PTK2B: variants seen among roughly 807,000 people sequenced by gnomAD.
The protein encoded by PTK2B is protein tyrosine kinase 2 beta, also known as protein-tyrosine kinase 2-beta.
PTK2B carries 71 observed loss-of-function variants against 142.9 expected under a neutral mutation model. That is an observed-to-expected ratio of 0.50 (90% CI 0.41 to 0.61). The LOEUF (loss-of-function observed/expected upper bound fraction) is 0.61. PTK2B is among the 20% of genes least tolerant of loss of function. PTK2B has a pLI of 0.00. For missense variants in PTK2B, 1,105 were observed against 1,320.4 expected (o/e 0.84, Z 2.53); for synonymous variants, 519 against 503.4 (o/e 1.03, Z -0.42).
exon 1 of PTK2B, chr8:27,311,577 A>C: frequency 5.9e-6 from 2 of 340,722 alleles, no homozygotes; most frequent in Non-Finnish European, 1.1e-5. Context: ...GTTACTGGAA[A>C]CCTACTTCCG....
chr8:27,330,071 A>G (rs1347024888), intron 1 of PTK2B, among the ~76,000 whole-genome samples: 5 of 152,162 alleles, frequency 3.3e-5, no homozygotes, highest in African/African-American at 1.2e-4. Flanking sequence ...GGGGTGGAAG[A>G]AACAGGCCTT....
chr8:27,389,646 G>A (rs562862318), intron 1 of PTK2B, among the ~76,000 whole-genome samples: 2 of 152,344 alleles, frequency 1.3e-5, no homozygotes, highest in African/African-American at 2.4e-5. Flanking sequence ...AGCTGAAAAC[G>A]TGGTAAAGTC....
At chr8:27,383,589 T>A (rs990028034) in intron 1 of PTK2B, among the ~76,000 whole-genome samples, 1 of 152,138 alleles carries the variant, frequency 6.6e-6, no homozygotes, top group Non-Finnish European at 1.5e-5. Flanking sequence ...TGTTTTATAG[T>A]TTCCATCATA....
chr8:27,373,564 T>A (rs1269812633), intron 1 of PTK2B, among the ~76,000 whole-genome samples: 1 of 152,094 alleles, frequency 6.6e-6, no homozygotes, highest in South Asian at 2.1e-4. Context: ...CACCTATAGT[T>A]CTAGCTGCTT....
At chr8:27,351,728 T>C (rs1805103712) in intron 1 of PTK2B, among the ~76,000 whole-genome samples, 1 of 152,226 alleles carries the variant, frequency 6.6e-6, no homozygotes, top group South Asian at 2.1e-4. Context: ...GAATAAAACA[T>C]AGACTTATCT....
intron 1 of PTK2B, among the ~76,000 whole-genome samples, chr8:27,366,570 C>G (rs777868358): frequency 6.6e-6 from 1 of 152,238 alleles, no homozygotes; most frequent in Non-Finnish European, 1.5e-5. Flanking sequence ...GCAACAACTT[C>G]TAGCCTCTTC....
Position 27,355,637 on chromosome 8 carries a change from G to A in PTK2B, c.-38+29956G>A, listed in dbSNP as rs146598136. Among the ~76,000 whole-genome samples, 1,137 of 152,358 alleles carry A rather than the reference G, an allele frequency of 7.5e-3. 13 individuals carry two copies. Among genetic ancestry groups the A allele is most frequent in the African/African-American group, 0.025 (1,022 of 41,574 alleles). Reference sequence around the variant, plus strand: ...AGAGCAACTTGGCAGCATGTACTAAGAAATATGAGTGTATTCCTTCTGACT... The same window carrying A: ...AGAGCAACTTGGCAGCATGTACTAAAAAATATGAGTGTATTCCTTCTGACT... On this transcript the variant is annotated intron_variant, in intron 1 of 30. Transcript: ENST00000346049.
intron 1 of PTK2B, among the ~76,000 whole-genome samples, chr8:27,343,364 A>G (rs1804527185): frequency 6.6e-6 from 1 of 151,958 alleles, no homozygotes; most frequent in African/African-American, 2.4e-5. Context: ...CTCAAGCCTG[A>G]CTCAAGGTCT....
chr8:27,443,575 T>C (rs1811289721), intron 22 of PTK2B, among the ~76,000 whole-genome samples: 1 of 152,140 alleles, frequency 6.6e-6, no homozygotes, highest in Admixed American at 6.5e-5. Context: ...CACTGTGTTT[T>C]TACCTGGCAG....
chr8:27,458,473 G>A lies in PTK2B; in HGVS notation c.2994G>A (p.Lys998=), dbSNP rs764345720. The A allele has an allele frequency of 4.4e-6, 7 of 1,594,176 alleles. No individual in the cohort carries two copies. The East Asian group carries it at 1.4e-4, about 31-fold the overall frequency. ...KNLLDAVDQA[K]VLANLAHPPA... is the part of the protein sequence containing the mutation. ...TGCTCGACGCTGTGGACCAGGCCAA[G>A]GTTCTGGCCAATCTGGCCCACCCAC... Residue 998 remains lysine, a synonymous_variant, in exon 31 of 31, where the codon AAG becomes AAA. Coordinates refer to ENST00000346049, the MANE Select transcript of PTK2B (RefSeq NM_173176.3).
At chr8:27,353,378 G>A (rs1805208947) in intron 1 of PTK2B, among the ~76,000 whole-genome samples, 1 of 152,122 alleles carries the variant, frequency 6.6e-6, no homozygotes, top group South Asian at 2.1e-4. Context: ...TTTTTGCTAG[G>A]ACATCTCAGA....
At chr8:27,337,415 C>T (rs918367904) in intron 1 of PTK2B, among the ~76,000 whole-genome samples, 4 of 152,170 alleles carry the variant, frequency 2.6e-5, no homozygotes, top group African/African-American at 7.2e-5. Context: ...AGATTACAGG[C>T]GTGAGCTACT....
chr8:27,335,682 G>A (rs894632254), intron 1 of PTK2B, among the ~76,000 whole-genome samples: 2 of 152,082 alleles, frequency 1.3e-5, no homozygotes, highest in African/African-American at 4.8e-5. Flanking sequence ...CATGCCCTGG[G>A]GGTCCCTGGA....
At chr8:27,390,164 A>G (rs2565054) in intron 1 of PTK2B, among the ~76,000 whole-genome samples, 6 of 152,084 alleles carry the variant, frequency 3.9e-5, no homozygotes, top group African/African-American at 9.7e-5. Flanking sequence ...GAGACAGGCA[A>G]TGGGGCTGTG....
chr8:27,385,936 G>T (rs1807326307), intron 1 of PTK2B, among the ~76,000 whole-genome samples: 1 of 149,632 alleles, frequency 6.7e-6, no homozygotes, highest in Admixed American at 6.6e-5. Flanking sequence ...AGGAGATAGA[G>T]ATTGATGCAT....
intron 11 of PTK2B, 23 bp downstream of exon 11, chr8:27,433,575 G>A (rs1810578845): frequency 1.9e-6 from 3 of 1,598,060 alleles, no homozygotes; most frequent in Middle Eastern, 3.3e-4. Flanking sequence ...TAAAGGTAAA[G>A]TGGCTGGACC....
At chr8:27,348,720 G>A (rs1804865265) in intron 1 of PTK2B, among the ~76,000 whole-genome samples, 2 of 152,090 alleles carry the variant, frequency 1.3e-5, no homozygotes, top group African/African-American at 4.8e-5. Context: ...CAATATCTTT[G>A]TGGGGGCGGC....
At chr8:27,330,587 G>A (rs925800381) in intron 1 of PTK2B, among the ~76,000 whole-genome samples, 1 of 152,088 alleles carries the variant, frequency 6.6e-6, no homozygotes, top group Admixed American at 6.6e-5. Flanking sequence ...TCACTTTCTG[G>A]GCCTCCTAAC....
chr8:27,454,714 C>T, intron 30 of PTK2B, 103 bp downstream of exon 30: 1 of 1,195,456 alleles, frequency 8.4e-7, no homozygotes, highest in African/African-American at 1.5e-5. Flanking sequence ...TCATGTCTGT[C>T]CACTGAGTCC....
Sources: gnomAD v4.1 joint callset for allele counts (sites outside exome capture counted in the v4.1 genomes callset) on GRCh38, gnomAD v4.1.1 for gene constraint, MANE v1.5 for transcripts, NCBI Gene and HGNC (gene_info 2026-07-23, HGNC 2026-07-21) for gene names.